The following CMIP variants were observed in gnomAD, a reference collection of about 807,000 sequenced individuals.
CMIP encodes the protein c-Maf inducing protein.
CMIP carries 13 observed loss-of-function variants against 97.3 expected under a neutral mutation model. The observed-to-expected ratio is 0.13, with a 90% CI of 0.09 to 0.21. CMIP has a LOEUF of 0.21. CMIP is among the 10% of genes least tolerant of loss of function. CMIP has a pLI of 1.00. For missense variants in CMIP, 847 were observed against 1,024.9 expected, an observed-to-expected ratio of 0.83 and a Z score of 2.37; for synonymous variants, 538 against 436.3, an observed-to-expected ratio of 1.23 and a Z score of -2.91.
chr16:81,463,046 A>G (rs1906986977), intron 1 of CMIP, among the ~76,000 whole-genome samples: 1 of 146,788 alleles, frequency 6.8e-6, no homozygotes, highest in East Asian at 1.9e-4. Flanking sequence ...AGTCTCTATC[A>G]TGGAGGCTAC....
At chr16:81,459,362 T>C (rs888302670) in intron 1 of CMIP, among the ~76,000 whole-genome samples, 3 of 152,080 alleles carry the variant, frequency 2.0e-5, no homozygotes, top group Non-Finnish European at 4.4e-5. Flanking sequence ...GCTGTGACCC[T>C]GCGCTGTGAC....
intron 14 of CMIP, among the ~76,000 whole-genome samples, chr16:81,698,402 G>A (rs926826044): frequency 8.5e-5 from 13 of 152,198 alleles, no homozygotes; most frequent in African/African-American, 2.2e-4. Flanking sequence ...TTGGATTCCT[G>A]GGGCGCAGGC....
Position 81,452,885 on chromosome 16 carries a change from GT to G in CMIP, c.300+7363del, listed in dbSNP as rs558606255. Among the ~76,000 whole-genome samples the G allele has an allele frequency of 4.0e-4, 52 of 129,218 alleles. 1 individual carries two copies. Among genetic ancestry groups the G allele is most frequent in the South Asian group, 2.0e-3 (8 of 4,096 alleles). The allele number at this position is 129,218 out of a possible 152,430, so 84.8% of individuals were successfully genotyped here. A position where few individuals can be genotyped will look rare whatever the true frequency, so the allele number is the denominator to read the frequency against. On this transcript the variant is annotated intron_variant, in intron 1 of 20. Transcript: ENST00000537098. ...TTTTCTTTTGTTTTTTTTTTGTTTT[GT>G]TTTTTTTTTTTTTTTTTTGCAAACC...
At chr16:81,599,242 G>C (rs866429622) in intron 1 of CMIP, among the ~76,000 whole-genome samples, 4 of 152,104 alleles carry the variant, frequency 2.6e-5, no homozygotes, top group Admixed American at 6.5e-5. Context: ...GGGGCAAGGA[G>C]AGGTCATATT....
chr16:81,708,311 G>T lies in CMIP; in HGVS notation c.2268+1227G>T, dbSNP rs80327446. Among the ~76,000 whole-genome samples, 1,036 of 152,342 alleles carry T rather than the reference G, an allele frequency of 6.8e-3. 21 individuals carry two copies. The highest frequency in any genetic ancestry group is 0.024 in the African/African-American group (1,000 of 41,580). On this transcript the variant is annotated intron_variant, in intron 20 of 20. Coordinates refer to ENST00000537098, the MANE Select transcript of CMIP (RefSeq NM_198390.3). ...AGACCAGCACCCTCGGCACCACTCG[G>T]GGGCCAACAGAAATGCAGGATCCAG...
intron 1 of CMIP, among the ~76,000 whole-genome samples, chr16:81,537,546 CAA>C (rs397695977): frequency 0.21 from 17,102 of 82,330 alleles, 2,264 homozygotes; most frequent in African/African-American, 0.42. Flanking sequence ...AAAAAAAAGA[CAA>C]AAAAAAAAAA....
intron 1 of CMIP, among the ~76,000 whole-genome samples, chr16:81,484,225 C>A (rs2089278563): frequency 6.6e-6 from 1 of 152,218 alleles, no homozygotes; most frequent in African/African-American, 2.4e-5. Context: ...GTTCCCATTC[C>A]TTCTGGCAAA....
chr16:81,586,257 C>G (rs1426142963), intron 1 of CMIP, among the ~76,000 whole-genome samples: 1 of 152,066 alleles, frequency 6.6e-6, no homozygotes, highest in Non-Finnish European at 1.5e-5. Context: ...GTGAAATGGA[C>G]AAAGCAACTT....
chr16:81,687,781 A>G (rs532301862), intron 10 of CMIP, among the ~76,000 whole-genome samples: 2 of 152,300 alleles, frequency 1.3e-5, no homozygotes, highest in Non-Finnish European at 1.5e-5. Context: ...GAGTTGGCCA[A>G]AAAACTCCCT....
chr16:81,458,189 C>T (rs528389002), intron 1 of CMIP, among the ~76,000 whole-genome samples: 1 of 152,148 alleles, frequency 6.6e-6, no homozygotes, highest in African/African-American at 2.4e-5. Context: ...CTTCTCACCT[C>T]TTCTAAAGAG....
At chr16:81,495,114 A>C (rs2089465821) in intron 1 of CMIP, among the ~76,000 whole-genome samples, 1 of 152,208 alleles carries the variant, frequency 6.6e-6, no homozygotes, top group Non-Finnish European at 1.5e-5. Flanking sequence ...AATGGACCTC[A>C]TATGCTGTCC....
In CMIP at chr16:81,672,065, C is replaced by T; in HGVS notation, c.1029C>T (p.Ile343=). ...TCTACTCCTGCTATGAAGAGTTCATCAACAGGTCAGTTGCTGAACCACCGC... is the reference window on the plus strand; with the variant it reads ...TCTACTCCTGCTATGAAGAGTTCATTAACAGGTCAGTTGCTGAACCACCGC... ...AAIYSCYEEF[I]NSRDNSPSLK... is the part of the protein sequence containing the mutation. Residue 343 remains isoleucine, a synonymous_variant, in exon 9 of 21, where the codon ATC becomes ATT. Transcript: ENST00000537098. The T allele has an allele frequency of 6.3e-7, 1 of 1,586,810 alleles. No homozygotes were observed.
At chr16:81,643,487 C>T (rs969098948) in intron 3 of CMIP, among the ~76,000 whole-genome samples, 2 of 152,140 alleles carry the variant, frequency 1.3e-5, no homozygotes, top group African/African-American at 4.8e-5. Context: ...CTGAAGTGTT[C>T]ACTGTAAATG....
chr16:81,574,681 T>G (rs1386341372), intron 1 of CMIP, among the ~76,000 whole-genome samples: 2 of 152,082 alleles, frequency 1.3e-5, no homozygotes. Context: ...CACTTCTGAG[T>G]AGGTTTGATG....
At chr16:81,626,245 G>C (rs1442405718) in intron 3 of CMIP, among the ~76,000 whole-genome samples, 1 of 150,068 alleles carries the variant, frequency 6.7e-6, no homozygotes, top group Non-Finnish European at 1.5e-5. Flanking sequence ...GAGTGAATGT[G>C]TGAGTGTGTG....
At chr16:81,588,063 C>T (rs1425846735) in intron 1 of CMIP, among the ~76,000 whole-genome samples, 1 of 152,160 alleles carries the variant, frequency 6.6e-6, no homozygotes, top group Non-Finnish European at 1.5e-5. Flanking sequence ...TGATATTATA[C>T]CCTGCCTGCC....
chr16:81,466,674 T>G (rs528121724), intron 1 of CMIP, among the ~76,000 whole-genome samples: 3 of 152,328 alleles, frequency 2.0e-5, no homozygotes, highest in African/African-American at 7.2e-5. Flanking sequence ...ACAAAACCAA[T>G]GCCATCCAAT....
chr16:81,456,475 C>CCTGG (rs1260329432), intron 1 of CMIP, among the ~76,000 whole-genome samples: 4 of 152,200 alleles, frequency 2.6e-5, no homozygotes, highest in African/African-American at 9.6e-5. Flanking sequence ...GGCCGAATCA[C>CCTGG]CAGCAAGGCA....
intron 4 of CMIP, among the ~76,000 whole-genome samples, chr16:81,656,144 C>T (rs556554649): frequency 5.3e-4 from 81 of 152,344 alleles, no homozygotes; most frequent in African/African-American, 1.5e-3. Flanking sequence ...TAGGTCAGGA[C>T]GTCTCATGGG....
Sources: allele counts gnomAD v4.1 joint callset (sites outside exome capture counted in the v4.1 genomes callset), GRCh38; gene constraint gnomAD v4.1.1; transcripts MANE v1.5; gene names NCBI Gene and HGNC (gene_info 2026-07-23, HGNC 2026-07-21).